Variants in MROH2A observed in about 807,000 individuals in gnomAD.
The protein encoded by MROH2A is maestro heat-like repeat-containing protein family member 2A.
MROH2A carries 174 observed loss-of-function variants against 200.4 expected under a neutral mutation model. The ratio of observed to expected loss-of-function variants is 0.87; its 90% confidence interval spans 0.77 to 0.98. The LOEUF (loss-of-function observed/expected upper bound fraction) is 0.98, where lower values mean the gene tolerates loss of function less well. MROH2A is among the 50% of genes least tolerant of loss of function. The probability of loss-of-function intolerance (pLI) is 0.00; values close to 1 mark genes in which losing one functional copy is unlikely to be tolerated. For missense variants in MROH2A, 2,045 were observed against 2,139.6 expected, an observed-to-expected ratio of 0.96 and a Z score of 0.87; for synonymous variants, 829 against 840.4, an observed-to-expected ratio of 0.99 and a Z score of 0.23.
intron 35 of MROH2A, 62 bp downstream of exon 35, chr2:233,823,726 T>C (rs1704120327): frequency 6.6e-7 from 1 of 1,526,672 alleles, no homozygotes. Flanking sequence ...CCCTGGATTC[T>C]TCTGGGGATG....
In MROH2A at chr2:233,807,468, G is replaced by C; in HGVS notation, c.2098G>C (p.Glu700Gln). 6.4e-7 allele frequency: 1 copy of C among 1,550,588 alleles called. No individual in the cohort carries two copies. Among genetic ancestry groups the C allele is most frequent in the Non-Finnish European group, 8.7e-7 (1 of 1,146,986 alleles). Residue 700 changes from glutamate (E) to glutamine (Q), a missense_variant, in exon 20 of 42, where the codon GAG (glutamate) becomes CAG (glutamine). Glu to Gln is a conservative substitution (Grantham distance 29). Around this residue, in one of 3 missense-constraint regions of MROH2A, gnomAD observed 1,201 missense variants for 1,311.3 expected, o/e 0.92. Transcript: ENST00000389758. The surrounding 1 kb of genome is among the most constrained non-coding windows in gnomAD (Gnocchi z 4.3). The stretch of plus-strand genomic sequence containing the variant: ...GGGCTTCACCTTGGCCACAGGCCTG[G>C]AGGCCAGCAAGGTGGAGGTCCTGCT... ...ALGFTLATGL[E>Q]ASKVEVLLLE...
intron 27 of MROH2A, 32 bp downstream of exon 27, chr2:233,816,917 C>G: frequency 7.5e-7 from 1 of 1,329,316 alleles, no homozygotes; most frequent in Non-Finnish European, 1.1e-6. Context: ...CCCCAGCCTG[C>G]TGCTCTGACA....
At chr2:233,823,815 C>A in intron 35 of MROH2A, 151 bp downstream of exon 35, 1 of 973,520 alleles carries the variant, frequency 1.0e-6, no homozygotes, top group Non-Finnish European at 1.5e-6. Context: ...TCTGCTCCTT[C>A]ATTCATTCAT....
intron 25 of MROH2A, 58 bp from the exon 26 acceptor site, chr2:233,814,524 G>T: frequency 7.8e-7 from 1 of 1,280,422 alleles, no homozygotes. Flanking sequence ...TCCCTGCAGG[G>T]AGGGGGGTTG....
At position 233,796,256 on chromosome 2, in the gene MROH2A, A is replaced by G. The variant is rs1297132276; in HGVS notation, c.1195A>G (p.Lys399Glu). 1 of 1,411,576 alleles carries G rather than the reference A, an allele frequency of 7.1e-7. No individual in the cohort carries two copies. Among genetic ancestry groups the G allele is most frequent in the Non-Finnish European group, 9.4e-7 (1 of 1,060,150 alleles). 87.4% of individuals were successfully genotyped at this position (1,411,576 alleles called of 1,614,324 possible). A position where few individuals can be genotyped will look rare whatever the true frequency, so the allele number is the denominator to read the frequency against. The change falls in exon 11 of 42, where the codon AAG becomes GAG. Residue 399 changes from lysine to glutamate, a missense_variant. This residue lies in a region of MROH2A where 831 missense variants were observed against 800.0 expected (regional missense o/e 1.04). Coordinates refer to ENST00000389758, the MANE Select transcript of MROH2A (RefSeq NM_001394639.1). ...CTTCTTCAGCCAGATGGAGACAAAC[A>G]AGGAGGCCGTCCGCGTGGGGACTCT... The part of the protein sequence containing the change: ...KFFFSQMETN[K>E]EAVRVGTLNL...
intron 3 of MROH2A, among the ~76,000 whole-genome samples, chr2:233,785,558 A>G (rs1701163429): frequency 6.6e-6 from 1 of 152,010 alleles, no homozygotes; most frequent in African/African-American, 2.4e-5. Context: ...CAGGGGAAGC[A>G]CTAGGGTCTG....
intron 11 of MROH2A, among the ~76,000 whole-genome samples, chr2:233,798,353 C>T (rs1296390300): frequency 6.6e-6 from 1 of 152,172 alleles, no homozygotes; most frequent in Non-Finnish European, 1.5e-5. Flanking sequence ...CTTTACGTCC[C>T]ACAGCTGGGA....
chr2:233,779,689 T>G lies in MROH2A; in HGVS notation c.113T>G (p.Val38Gly). The G allele has an allele frequency of 6.4e-7, 1 of 1,551,170 alleles. No homozygotes were observed. The highest frequency in any genetic ancestry group is 8.7e-7 in the Non-Finnish European group (1 of 1,147,122). Residue 38 changes from valine (V) to glycine (G), a missense_variant, in exon 3 of 42, where the codon GTG (valine) becomes GGG (glycine). By Grantham distance (109) the Val-to-Gly change is moderately radical. Around this residue, in one of 3 missense-constraint regions of MROH2A, gnomAD observed 831 missense variants for 800.0 expected, o/e 1.04. Coordinates refer to ENST00000389758, the MANE Select transcript of MROH2A (RefSeq NM_001394639.1). ...LHDSGTFQQV[V>G]NLLDIIDSES... ...TTCATAGGTACCTTTCAACAAGTCGTGAACCTTCTGGACATCATTGACAGC... is the reference window on the plus strand; with the variant it reads ...TTCATAGGTACCTTTCAACAAGTCGGGAACCTTCTGGACATCATTGACAGC...
At chr2:233,786,623 G>A (rs1701222680) in intron 3 of MROH2A, among the ~76,000 whole-genome samples, 1 of 152,168 alleles carries the variant, frequency 6.6e-6, no homozygotes, top group Non-Finnish European at 1.5e-5. Flanking sequence ...GCATGCTGAT[G>A]GACAACTTGT....
At position 233,794,451 on chromosome 2, in the gene MROH2A, T is replaced by A. The variant is rs1701976714; in HGVS notation, c.911T>A (p.Ile304Asn). Reference sequence around the variant, plus strand: ...CTGCGGGAGCAGGTCTACGACTACATCCCCCTGCTGCTGGCGGAGTACCAG... The same window carrying A: ...CTGCGGGAGCAGGTCTACGACTACAACCCCCTGCTGCTGGCGGAGTACCAG... ...DDLREQVYDY[I>N]PLLLAEYQGS... The change falls in exon 8 of 42, where the codon ATC (isoleucine) becomes AAC (asparagine). Residue 304 changes from isoleucine (I) to asparagine (N), a missense_variant. Transcript: ENST00000389758. The A allele has an allele frequency of 2.6e-6, 4 of 1,550,268 alleles. No individual in the cohort carries two copies. The highest frequency in any genetic ancestry group is 2.6e-6 in the Non-Finnish European group (3 of 1,146,856).
At chr2:233,832,994 G>A (rs1704886356) in intron 41 of MROH2A, 144 bp from the exon 42 acceptor site, 4 of 969,830 alleles carry the variant, frequency 4.1e-6, no homozygotes, top group Non-Finnish European at 6.0e-6. Flanking sequence ...TCCACCTGCA[G>A]TCCTCTGCTT....
chr2:233,818,768 A>C lies in MROH2A; in HGVS notation c.3202A>C (p.Lys1068Gln), dbSNP rs1434712312. 1 of 1,541,264 alleles carries C rather than the reference A, an allele frequency of 6.5e-7. No homozygotes were observed. The highest frequency in any genetic ancestry group is 2.0e-5 in the Admixed American group (1 of 50,924). Residue 1068 changes from lysine to glutamine, a missense_variant and splice_region_variant, in exon 29 of 42, where the codon AAG becomes CAG. Lys to Gln is a moderately conservative substitution (Grantham distance 53). Transcript: ENST00000389758. ...KIFCASSRIA[K>Q]VVCMEFSCDE... ...CTTCTGTGCATCCTCCAGAATCGCC[A>C]AGGTGACAGCCGGGGAGCCTGCCTG...
At position 233,779,352 on chromosome 2, in the gene MROH2A, G is replaced by A. The variant is rs1180991953; in HGVS notation, c.-7G>A. 3 of 1,543,972 alleles carry A rather than the reference G, an allele frequency of 1.9e-6. No individual in the cohort carries two copies. Among genetic ancestry groups the A allele is most frequent in the East Asian group, 2.4e-5 (1 of 40,896 alleles). The stretch of plus-strand genomic sequence containing the variant: ...TTCTGTTGATCTCAAAAGAGCTTGA[G>A]GAAGAGATGACTGAAGCCATTACAG... On this transcript the variant is annotated 5_prime_UTR_variant, in exon 2 of 42. Transcript: ENST00000389758.
chr2:233,818,363 G>T (rs940613933), intron 28 of MROH2A, among the ~76,000 whole-genome samples: 1 of 152,176 alleles, frequency 6.6e-6, no homozygotes, highest in Admixed American at 6.5e-5. Context: ...CATGTGCTGG[G>T]CACTGAGGGC....
At position 233,810,120 on chromosome 2, in the gene MROH2A, G is replaced by A. The variant is rs28900670; in HGVS notation, c.2449-674G>A. Among the ~76,000 whole-genome samples the A allele has an allele frequency of 2.8e-4, 42 of 152,238 alleles. No homozygotes were observed. The East Asian group carries it at 6.8e-3, about 24-fold the overall frequency. On this transcript the variant is annotated intron_variant, in intron 22 of 41. Coordinates refer to ENST00000389758, the MANE Select transcript of MROH2A (RefSeq NM_001394639.1). ...GCCTCTATGGTAACACATAGGGCTC[G>A]GGGCCCCTGGTCACTGAAGGCGGCC... is the stretch of plus-strand genomic sequence containing the variant.
At chr2:233,786,488 A>AC (rs1701215980) in intron 3 of MROH2A, among the ~76,000 whole-genome samples, 1 of 152,240 alleles carries the variant, frequency 6.6e-6, no homozygotes, top group South Asian at 2.1e-4. Flanking sequence ...TTGTGACTTC[A>AC]TTCAACCCTA....
At chr2:233,831,563 C>A in intron 39 of MROH2A, 23 bp downstream of exon 39, 1 of 1,542,360 alleles carries the variant, frequency 6.5e-7, no homozygotes, top group South Asian at 1.2e-5. Context: ...AAGGGGGAAC[C>A]AGCCCGTCCC....
chr2:233,787,902 T>TAC (rs1701397730), intron 3 of MROH2A, among the ~76,000 whole-genome samples: 1 of 61,768 alleles, frequency 1.6e-5, no homozygotes, highest in African/African-American at 6.8e-5. Flanking sequence ...ATATTATATA[T>TAC]ACATATATAT....
At chr2:233,788,144 T>A (rs1431495963) in intron 3 of MROH2A, among the ~76,000 whole-genome samples, 3 of 109,548 alleles carry the variant, frequency 2.7e-5, no homozygotes, top group South Asian at 2.5e-4. Context: ...TATATATATA[T>A]AATATATATT....
Sources: allele counts gnomAD v4.1 joint callset (sites outside exome capture counted in the v4.1 genomes callset), GRCh38; gene constraint gnomAD v4.1.1; regional missense constraint gnomAD v4.1.1; non-coding constraint Gnocchi (gnomAD v3.1); transcripts MANE v1.5; gene names NCBI Gene and HGNC (gene_info 2026-07-23, HGNC 2026-07-21).